Variants in CSGALNACT1 observed in about 807,000 individuals in gnomAD.
The protein encoded by CSGALNACT1 is beta4GalNAcT-1.
Under a neutral mutation model 51.0 loss-of-function variants are expected in CSGALNACT1, and 52 were observed. The ratio of observed to expected loss-of-function variants is 1.02; its 90% confidence interval spans 0.82 to 1.29. The LOEUF (loss-of-function observed/expected upper bound fraction) is 1.29, where lower values mean the gene tolerates loss of function less well. Ranked by LOEUF, CSGALNACT1 falls within the 50% of genes most tolerant of loss-of-function variation. The probability of loss-of-function intolerance (pLI) is 0.00; values close to 1 mark genes in which losing one functional copy is unlikely to be tolerated. For synonymous variants in CSGALNACT1, 341 were observed against 254.4 expected, an observed-to-expected ratio of 1.34 and a Z score of -3.24; for missense variants, 935 against 679.2, an observed-to-expected ratio of 1.38 and a Z score of -4.19.
intron 3 of CSGALNACT1, among the ~76,000 whole-genome samples, chr8:19,543,767 T>A (rs551197154): frequency 5.3e-5 from 8 of 152,348 alleles, no homozygotes; most frequent in African/African-American, 1.9e-4. Flanking sequence ...ATTCTTGCTA[T>A]TTCACTGCAA....
intron 1 of CSGALNACT1, among the ~76,000 whole-genome samples, chr8:19,675,406 G>C (rs2060101979): frequency 1.3e-5 from 2 of 152,142 alleles, no homozygotes; most frequent in African/African-American, 2.4e-5. Context: ...AGAAATCAAA[G>C]AGGAAAAGGG....
intron 1 of CSGALNACT1, chr8:19,678,588 T>C (rs1772836560): frequency 6.6e-6 from 1 of 152,028 alleles, no homozygotes; most frequent in Non-Finnish European, 1.5e-5. Context: ...AGACAAACAG[T>C]GTAAAGGAAA....
intron 4 of CSGALNACT1, among the ~76,000 whole-genome samples, chr8:19,492,653 T>A (rs1473925101): frequency 6.6e-6 from 1 of 152,212 alleles, no homozygotes; most frequent in Admixed American, 6.5e-5. Flanking sequence ...CAACACCAGC[T>A]GGAAGCCCAG....
At chr8:19,419,378 T>C (rs2057506076) in intron 7 of CSGALNACT1, among the ~76,000 whole-genome samples, 1 of 152,214 alleles carries the variant, frequency 6.6e-6, no homozygotes, top group Non-Finnish European at 1.5e-5. Flanking sequence ...ACTTGCTGGC[T>C]CATGGGATCA....
chr8:19,652,789 T>G (rs1424500400), intron 1 of CSGALNACT1, among the ~76,000 whole-genome samples: 2 of 152,134 alleles, frequency 1.3e-5, no homozygotes, highest in Admixed American at 6.5e-5. Flanking sequence ...CAATAGATAT[T>G]TCTCTGCTAT....
intron 3 of CSGALNACT1, among the ~76,000 whole-genome samples, chr8:19,517,394 T>C (rs1164605118): frequency 6.6e-6 from 1 of 152,048 alleles, no homozygotes; most frequent in East Asian, 1.9e-4. Flanking sequence ...GAGCCGAGAT[T>C]GCACCACTGT....
intron 7 of CSGALNACT1, among the ~76,000 whole-genome samples, chr8:19,419,633 T>C (rs17479099): frequency 0.5 from 75,673 of 152,034 alleles, 19,619 homozygotes; most frequent in East Asian, 0.82. Flanking sequence ...TGCCCAAAGG[T>C]ACTCCTTTCT....
At chr8:19,679,801 A>T (rs1994791) in intron 1 of CSGALNACT1, among the ~76,000 whole-genome samples, 300 of 152,074 alleles carry the variant, frequency 2.0e-3, no homozygotes, top group African/African-American at 6.7e-3. Flanking sequence ...AGAGGAAGCC[A>T]GAGTCCCGGC....
intron 4 of CSGALNACT1, 77 bp from the exon 4 acceptor site, chr8:19,458,719 C>T: frequency 7.7e-7 from 1 of 1,292,794 alleles, no homozygotes; most frequent in Non-Finnish European, 1.1e-6. Flanking sequence ...CGAGATCTAG[C>T]ACAGAATGCC....
At chr8:19,671,983 T>TA (rs1224862659) in intron 1 of CSGALNACT1, among the ~76,000 whole-genome samples, 2 of 152,194 alleles carry the variant, frequency 1.3e-5, no homozygotes, top group Non-Finnish European at 2.9e-5. Flanking sequence ...AGATGTTTTT[T>TA]AAAAAAGCTA....
intron 3 of CSGALNACT1, among the ~76,000 whole-genome samples, chr8:19,565,522 AAAAT>A (rs1444152563): frequency 6.6e-6 from 1 of 152,262 alleles, no homozygotes; most frequent in Non-Finnish European, 1.5e-5. Context: ...CAATTTTATA[AAAAT>A]AAACAAGAAG....
At chr8:19,595,812 G>A (rs1359035065) in intron 2 of CSGALNACT1, among the ~76,000 whole-genome samples, 1 of 150,612 alleles carries the variant, frequency 6.6e-6, no homozygotes, top group African/African-American at 2.4e-5. Context: ...AGACTTCTCT[G>A]CACAACTCCA....
At chr8:19,613,552 T>C (rs1257256666) in intron 1 of CSGALNACT1, among the ~76,000 whole-genome samples, 1 of 152,266 alleles carries the variant, frequency 6.6e-6, no homozygotes, top group Non-Finnish European at 1.5e-5. Context: ...GCAGTTCAAT[T>C]AGCCATCTTT....
At chr8:19,714,825 T>A (rs531766554) in intron 1 of CSGALNACT1, among the ~76,000 whole-genome samples, 57 of 152,102 alleles carry the variant, frequency 3.7e-4, no homozygotes, top group African/African-American at 1.3e-3. Flanking sequence ...ATGGGTAAAT[T>A]GCATGTTGCA....
intron 4 of CSGALNACT1, among the ~76,000 whole-genome samples, chr8:19,472,362 T>C (rs1011747523): frequency 1.3e-5 from 2 of 152,224 alleles, no homozygotes; most frequent in Non-Finnish European, 1.5e-5. Flanking sequence ...ACCAAGCTAT[T>C]GTCTTTGGCC....
chr8:19,547,494 A>G (rs1282246045), intron 3 of CSGALNACT1, among the ~76,000 whole-genome samples: 1 of 152,002 alleles, frequency 6.6e-6, no homozygotes, highest in Non-Finnish European at 1.5e-5. Flanking sequence ...CACGAGATCT[A>G]GTGGTTTTGT....
Position 19,646,716 on chromosome 8 carries a change from T to C in CSGALNACT1, c.-544+35757A>G, listed in dbSNP as rs571072899. 3.9e-5 allele frequency among the ~76,000 whole-genome samples: 6 copies of C among 152,242 alleles called. No homozygotes were observed. The East Asian group carries it at 7.7e-4, about 20-fold the overall frequency. ...AAAACTCTCAGACTCAATTTATCTA[T>C]AAAAGGGGTCTATAAATATCCATCT... On this transcript the variant is annotated intron_variant, in intron 1 of 9. Transcript: ENST00000332246.
intron 1 of CSGALNACT1, among the ~76,000 whole-genome samples, chr8:19,715,459 T>G (rs1337891138): frequency 6.6e-6 from 1 of 152,242 alleles, no homozygotes; most frequent in Non-Finnish European, 1.5e-5. Flanking sequence ...GGACATGACC[T>G]CATTCCTTTT....
At chr8:19,422,527 T>C (rs2058106501) in intron 6 of CSGALNACT1, among the ~76,000 whole-genome samples, 1 of 152,216 alleles carries the variant, frequency 6.6e-6, no homozygotes, top group African/African-American at 2.4e-5. Context: ...TCAGCACCAC[T>C]CTACATTTGC....
Sources: gnomAD v4.1 joint callset for allele counts (sites outside exome capture counted in the v4.1 genomes callset) on GRCh38, gnomAD v4.1.1 for gene constraint, MANE v1.5 for transcripts, NCBI Gene and HGNC (gene_info 2026-07-23, HGNC 2026-07-21) for gene names.